The following SLC24A2 variants were observed in gnomAD, a reference collection of about 807,000 sequenced individuals.
SLC24A2 encodes the protein sodium/potassium/calcium exchanger 2.
A neutral mutation model predicts 62.0 loss-of-function variants in SLC24A2; 36 were observed. That is an observed-to-expected ratio of 0.58 (90% CI 0.44 to 0.77). The LOEUF (loss-of-function observed/expected upper bound fraction) is 0.77, where lower values mean the gene tolerates loss of function less well. SLC24A2 is among the 30% of genes least tolerant of loss of function. The probability of loss-of-function intolerance (pLI) is 0.00; values close to 1 mark genes in which losing one functional copy is unlikely to be tolerated. For missense variants in SLC24A2, 846 were observed against 817.9 expected, an observed-to-expected ratio of 1.03 and a Z score of -0.42; for synonymous variants, 358 against 294.0, an observed-to-expected ratio of 1.22 and a Z score of -2.23.
rs561516683 is a variant in SLC24A2, at chr9:19,556,208, T to A, written c.1348-5940A>T. ...CCAGATGCTCATAGCATCATGATAA[T>A]CCATTTAGCTTCTTTGCATGTACAT... On this transcript the variant is annotated intron_variant, in intron 7 of 10. Transcript: ENST00000341998. Among the ~76,000 whole-genome samples the A allele has an allele frequency of 7.5e-4, 115 of 152,318 alleles. 1 individual carries two copies. The highest frequency in any genetic ancestry group is 1.3e-3 in the Non-Finnish European group (86 of 68,028).
intron 2 of SLC24A2, among the ~76,000 whole-genome samples, chr9:19,703,807 T>C (rs1820426884): frequency 1.3e-5 from 2 of 152,222 alleles, no homozygotes; most frequent in African/African-American, 2.4e-5. Context: ...TATAGTCTTA[T>C]GTGCTATGAA....
At chr9:20,016,351 A>C in the SLC24A2 span, among the ~76,000 whole-genome samples, 2 of 152,222 alleles carry the variant, frequency 1.3e-5, no homozygotes, top group African/African-American at 4.8e-5. Context: ...TTAGGAAGAC[A>C]TCTACTCAGG....
At chr9:20,202,002 T>A in the SLC24A2 span, among the ~76,000 whole-genome samples, 1 of 152,068 alleles carries the variant, frequency 6.6e-6, no homozygotes, top group Non-Finnish European at 1.5e-5. Flanking sequence ...GCCTGTAATC[T>A]TTGGGAAGTC....
At chr9:20,216,313 C>G in the SLC24A2 span, among the ~76,000 whole-genome samples, 15 of 152,310 alleles carry the variant, frequency 9.8e-5, no homozygotes, top group South Asian at 3.1e-3. Flanking sequence ...TGGTTTATTT[C>G]TCTGTCTCCT....
At chr9:20,181,495 A>C in the SLC24A2 span, among the ~76,000 whole-genome samples, 1 of 152,202 alleles carries the variant, frequency 6.6e-6, no homozygotes, top group African/African-American at 2.4e-5. Context: ...ATCTACAACC[A>C]TCTGATCTTT....
chr9:19,886,562 G>A, the SLC24A2 span, among the ~76,000 whole-genome samples: 2 of 152,226 alleles, frequency 1.3e-5, no homozygotes, highest in Non-Finnish European at 2.9e-5. Context: ...AACAACAGAT[G>A]CTGGTAAGGT....
chr9:19,992,098 A>G, the SLC24A2 span, among the ~76,000 whole-genome samples: 3 of 152,232 alleles, frequency 2.0e-5, no homozygotes, highest in Non-Finnish European at 4.4e-5. Context: ...TCACTTAAAA[A>G]GGGGCATGTT....
At chr9:20,268,831 C>A in the SLC24A2 span, among the ~76,000 whole-genome samples, 11 of 152,254 alleles carry the variant, frequency 7.2e-5, no homozygotes, top group African/African-American at 2.6e-4. Context: ...TGCAGGCAGT[C>A]TCTGGCCCAA....
the SLC24A2 span, among the ~76,000 whole-genome samples, chr9:20,144,470 T>C: frequency 2.0e-5 from 3 of 152,208 alleles, no homozygotes; most frequent in East Asian, 1.9e-4. Flanking sequence ...GTCTTTCCTG[T>C]CGGGCTGTTT....
At chr9:19,969,771 G>A in the SLC24A2 span, among the ~76,000 whole-genome samples, 1 of 152,188 alleles carries the variant, frequency 6.6e-6, no homozygotes, top group South Asian at 2.1e-4. Flanking sequence ...CATAGAGCTT[G>A]TAAGTGACTT....
chr9:20,251,734 G>A, the SLC24A2 span, among the ~76,000 whole-genome samples: 4 of 152,196 alleles, frequency 2.6e-5, no homozygotes, highest in Non-Finnish European at 5.9e-5. Flanking sequence ...AGATTTAGAA[G>A]TAAACCTCTC....
At chr9:19,656,678 T>G (rs577322996) in intron 2 of SLC24A2, among the ~76,000 whole-genome samples, 11 of 152,224 alleles carry the variant, frequency 7.2e-5, no homozygotes, top group Non-Finnish European at 1.6e-4. Flanking sequence ...TTCTTATCTC[T>G]CTGCATTTCC....
chr9:19,581,445 C>T (rs151024302), intron 5 of SLC24A2, among the ~76,000 whole-genome samples: 6 of 152,244 alleles, frequency 3.9e-5, no homozygotes, highest in African/African-American at 1.4e-4. Flanking sequence ...TTCTTAACCC[C>T]TCTCCACCTC....
At chr9:19,809,158 C>G in the SLC24A2 span, among the ~76,000 whole-genome samples, 3 of 151,762 alleles carry the variant, frequency 2.0e-5, no homozygotes, top group Non-Finnish European at 4.4e-5. Context: ...TTTTTTTATA[C>G]GTCCACAGGA....
At chr9:19,633,338 C>T (rs1461042080) in intron 2 of SLC24A2, among the ~76,000 whole-genome samples, 1 of 152,142 alleles carries the variant, frequency 6.6e-6, no homozygotes, top group African/African-American at 2.4e-5. Flanking sequence ...CTGGATCATA[C>T]AATAAGACCA....
intron 10 of SLC24A2, among the ~76,000 whole-genome samples, chr9:19,518,416 TTTTCTTTTC>T: frequency 6.6e-6 from 1 of 151,298 alleles, no homozygotes; most frequent in African/African-American, 2.4e-5. Context: ...TTTCTTTTTC[TTTTCTTTTC>T]TTTTTTTTTT....
the SLC24A2 span, among the ~76,000 whole-genome samples, chr9:20,033,887 C>G: frequency 6.6e-6 from 1 of 152,154 alleles, no homozygotes; most frequent in African/African-American, 2.4e-5. Flanking sequence ...GAATAGCCAC[C>G]CTTTTACTCC....
At chr9:19,716,786 T>C (rs540460138) in intron 2 of SLC24A2, among the ~76,000 whole-genome samples, 1 of 152,348 alleles carries the variant, frequency 6.6e-6, no homozygotes, top group Admixed American at 6.5e-5. Context: ...TCTTCTGTTG[T>C]TTGCCACATG....
the SLC24A2 span, among the ~76,000 whole-genome samples, chr9:20,166,562 G>A: frequency 6.6e-6 from 1 of 151,842 alleles, no homozygotes; most frequent in Admixed American, 6.6e-5. Context: ...GAGTATATAT[G>A]GTATGTTTCC....
Sources: allele counts gnomAD v4.1 joint callset (sites outside exome capture counted in the v4.1 genomes callset), GRCh38; gene constraint gnomAD v4.1.1; transcripts MANE v1.5; gene names NCBI Gene and HGNC (gene_info 2026-07-23, HGNC 2026-07-21).